Variants in PDE4B observed in about 807,000 individuals in gnomAD.
PDE4B encodes the protein 3',5'-cyclic-AMP phosphodiesterase 4B.
In PDE4B, 20 loss-of-function variants were observed where a neutral mutation model predicts 82.2. That is an observed-to-expected ratio of 0.24 (90% CI 0.17 to 0.35). PDE4B has a LOEUF of 0.35. Ranked by LOEUF, PDE4B falls within the 10% of genes least tolerant of loss-of-function variation. The pLI is 1.00. For missense variants in PDE4B, 655 were observed against 907.2 expected (o/e 0.72, Z 3.57); for synonymous variants, 320 against 318.9 (o/e 1.00, Z -0.04).
chr1:66,190,343 C>A (rs973316055), intron 3 of PDE4B, among the ~76,000 whole-genome samples: 13 of 152,308 alleles, frequency 8.5e-5, no homozygotes, highest in African/African-American at 2.9e-4. Flanking sequence ...CTGGGAGAAC[C>A]ACTATTCTCT....
intron 3 of PDE4B, among the ~76,000 whole-genome samples, chr1:66,076,478 C>T (rs936907697): frequency 2.6e-5 from 4 of 152,122 alleles, no homozygotes; most frequent in Non-Finnish European, 5.9e-5. Flanking sequence ...CAGTGATGAA[C>T]ATATGAGTGC....
intron 3 of PDE4B, among the ~76,000 whole-genome samples, chr1:65,967,199 A>G (rs1479076788): frequency 6.6e-6 from 1 of 152,078 alleles, no homozygotes; most frequent in Non-Finnish European, 1.5e-5. Context: ...AAGAAAAAAA[A>G]CAATCCCATC....
intron 3 of PDE4B, among the ~76,000 whole-genome samples, chr1:66,053,945 G>A (rs1655171880): frequency 1.3e-5 from 2 of 152,144 alleles, no homozygotes; most frequent in African/African-American, 4.8e-5. Context: ...AGACTGAGGA[G>A]TTTCCCAGGA....
intron 1 of PDE4B, among the ~76,000 whole-genome samples, chr1:65,838,511 A>G (rs182632959): frequency 4.7e-5 from 7 of 147,580 alleles, no homozygotes; most frequent in African/African-American, 1.7e-4. Context: ...ACGTATATGT[A>G]TATATATGTA....
In PDE4B at chr1:66,367,696, A is replaced by G; in HGVS notation, c.1385A>G (p.Asn462Ser). 3 of 1,607,582 alleles carry G rather than the reference A, an allele frequency of 1.9e-6. No individual in the cohort carries two copies. Among genetic ancestry groups the G allele is most frequent in the South Asian group, 1.1e-5 (1 of 89,746 alleles). Residue 462 changes from asparagine (N) to serine (S), a missense_variant and splice_region_variant, in exon 14 of 17, where the codon AAT becomes AGT. Coordinates refer to ENST00000341517, the MANE Select transcript of PDE4B (RefSeq NM_002600.4). Reference sequence around the variant, plus strand: ...GTCATCATTTGGTCTGATTTATTAGATTCAGAACTTGCTTTGATGTATAAT... The same window carrying G: ...GTCATCATTTGGTCTGATTTATTAGGTTCAGAACTTGCTTTGATGTATAAT... ...GVSNQFLINT[N>S]SELALMYNDE...
At chr1:66,285,966 T>C (rs1656647741) in intron 7 of PDE4B, among the ~76,000 whole-genome samples, 1 of 152,146 alleles carries the variant, frequency 6.6e-6, no homozygotes, top group Non-Finnish European at 1.5e-5. Flanking sequence ...AGACAAAGAA[T>C]AGAGGACTTC....
chr1:66,261,203 G>A (rs1654654438), intron 6 of PDE4B, among the ~76,000 whole-genome samples: 2 of 152,174 alleles, frequency 1.3e-5, no homozygotes, highest in Admixed American at 6.5e-5. Flanking sequence ...GCAGGGGCAG[G>A]CTGGAAAACT....
Position 65,918,827 on chromosome 1 carries a change from C to A in PDE4B, c.273C>A (p.Ser91Arg), listed in dbSNP as rs930611504. The A allele has an allele frequency of 2.5e-6, 4 of 1,595,390 alleles. No homozygotes were observed. The highest frequency in any genetic ancestry group is 1.1e-5 in the South Asian group (1 of 90,726). ...TLPSIAITTV[S>R]QECFDVENGP... is the part of the protein sequence containing the mutation. Reference sequence around the variant, plus strand: ...CAAGCATTGCTATTACAACTGTAAGCCAGGAGTGGTGAGTAGCCTCAAAAT... The same window carrying A: ...CAAGCATTGCTATTACAACTGTAAGACAGGAGTGGTGAGTAGCCTCAAAAT... The change falls in exon 3 of 17, where the codon AGC becomes AGA. Residue 91 changes from serine (S) to arginine (R), a missense_variant. Physicochemically the swap from Ser to Arg is moderately radical, Grantham distance 110. This residue lies in a region of PDE4B where 253 missense variants were observed against 275.6 expected (regional missense o/e 0.92). Coordinates refer to ENST00000341517, the MANE Select transcript of PDE4B (RefSeq NM_002600.4).
chr1:66,113,595 A>G (rs1207132255), intron 3 of PDE4B, among the ~76,000 whole-genome samples: 1 of 152,220 alleles, frequency 6.6e-6, no homozygotes, highest in Non-Finnish European at 1.5e-5. Context: ...AAAATGTATT[A>G]TTGGATATCT....
intron 8 of PDE4B, among the ~76,000 whole-genome samples, chr1:66,341,096 T>C (rs1164909309): frequency 1.3e-5 from 2 of 152,240 alleles, no homozygotes; most frequent in African/African-American, 2.4e-5. Context: ...TCTATTTCTA[T>C]TTGAAGTCAT....
chr1:66,278,014 A>G (rs1656015908), intron 7 of PDE4B, among the ~76,000 whole-genome samples: 1 of 152,258 alleles, frequency 6.6e-6, no homozygotes, highest in Non-Finnish European at 1.5e-5. Context: ...CACTTAGAAC[A>G]GTGGCTGGCA....
At chr1:66,061,002 A>C (rs1302442254) in intron 3 of PDE4B, among the ~76,000 whole-genome samples, 1 of 151,920 alleles carries the variant, frequency 6.6e-6, no homozygotes, top group Non-Finnish European at 1.5e-5. Context: ...AATAAAATTG[A>C]GAAAGAAGAG....
intron 3 of PDE4B, among the ~76,000 whole-genome samples, chr1:65,970,181 G>C (rs970019340): frequency 2.0e-5 from 3 of 149,594 alleles, no homozygotes; most frequent in African/African-American, 7.4e-5. Flanking sequence ...ATATTTAATT[G>C]TATACTAAGA....
chr1:66,177,987 T>G (rs1181623549), intron 3 of PDE4B, among the ~76,000 whole-genome samples: 1 of 151,828 alleles, frequency 6.6e-6, no homozygotes, highest in Non-Finnish European at 1.5e-5. Context: ...ATAATTCACA[T>G]TTTAAGATAC....
intron 16 of PDE4B, among the ~76,000 whole-genome samples, chr1:66,369,727 A>G (rs1663533766): frequency 6.6e-6 from 1 of 151,782 alleles, no homozygotes. Flanking sequence ...GTTTATTTTC[A>G]GTATTTATCC....
In PDE4B at chr1:66,368,849, T is replaced by C. The variant is rs1438997220; in HGVS notation, c.1725T>C (p.Tyr575=). Residue 575 remains tyrosine (Y), a synonymous_variant, in exon 16 of 17, where the codon TAT becomes TAC. Coordinates refer to ENST00000341517, the MANE Select transcript of PDE4B (RefSeq NM_002600.4). ...LSNPTKSLEL[Y]RQWTDRIMEE... ...ACCCCACCAAGTCCTTGGAATTGTATCGGCAATGGACAGACCGCATCATGG... is the reference window on the plus strand; with the variant it reads ...ACCCCACCAAGTCCTTGGAATTGTACCGGCAATGGACAGACCGCATCATGG... The C allele has an allele frequency of 6.2e-7, 1 of 1,612,724 alleles. No homozygotes were observed. The highest frequency in any genetic ancestry group is 1.1e-5 in the South Asian group (1 of 90,904).
At chr1:66,327,685 C>T (rs1659835581) in intron 7 of PDE4B, among the ~76,000 whole-genome samples, 1 of 152,180 alleles carries the variant, frequency 6.6e-6, no homozygotes, top group South Asian at 2.1e-4. Context: ...CCCAAGGTAA[C>T]CCACTGAAGC....
chr1:65,879,857 T>A (rs1646690675), intron 1 of PDE4B, among the ~76,000 whole-genome samples: 1 of 152,202 alleles, frequency 6.6e-6, no homozygotes, highest in Non-Finnish European at 1.5e-5. Context: ...GTTGTATCCA[T>A]CTTTCTCTTC....
chr1:66,175,045 C>A lies in PDE4B; in HGVS notation c.282-72415C>A, dbSNP rs535591270. ...GCATGGAGGAACCTGCCCCTATGAT[C>A]CAATCACCTCCCACCTGGTCCCTCC... On this transcript the variant is annotated intron_variant, in intron 3 of 16. Coordinates refer to ENST00000341517, the MANE Select transcript of PDE4B (RefSeq NM_002600.4). Among the ~76,000 whole-genome samples, 4 of 152,226 alleles carry A rather than the reference C, an allele frequency of 2.6e-5. No homozygotes were observed. In the South Asian group the frequency reaches 8.3e-4, roughly 32 times the overall value.
Sources: allele counts gnomAD v4.1 joint callset (sites outside exome capture counted in the v4.1 genomes callset), GRCh38; gene constraint gnomAD v4.1.1; regional missense constraint gnomAD v4.1.1; transcripts MANE v1.5; gene names NCBI Gene and HGNC (gene_info 2026-07-23, HGNC 2026-07-21).